The following SLC2A13 variants were observed in gnomAD, a reference collection of about 807,000 sequenced individuals.
The protein encoded by SLC2A13 is solute carrier family 2 member 13, also known as proton myo-inositol cotransporter.
In SLC2A13, 32 loss-of-function variants were observed where a neutral mutation model predicts 64.4. That is an observed-to-expected ratio of 0.50 (90% CI 0.37 to 0.67). The LOEUF (loss-of-function observed/expected upper bound fraction) is 0.67, where lower values mean the gene tolerates loss of function less well. SLC2A13 is among the 30% of genes least tolerant of loss of function. The pLI is 0.00. For missense variants in SLC2A13, 743 were observed against 829.2 expected (o/e 0.90, Z 1.28); for synonymous variants, 338 against 327.1 (o/e 1.03, Z -0.36).
intron 4 of SLC2A13, among the ~76,000 whole-genome samples, chr12:39,900,175 T>C (rs1329960898): frequency 6.6e-6 from 1 of 152,140 alleles, no homozygotes; most frequent in Non-Finnish European, 1.5e-5. Flanking sequence ...AAATTAGGTA[T>C]TGATGGGACG....
intron 3 of SLC2A13, among the ~76,000 whole-genome samples, chr12:40,013,669 T>G (rs2136197449): frequency 6.6e-6 from 1 of 152,360 alleles, no homozygotes; most frequent in Middle Eastern, 3.4e-3. Context: ...ATATATATTT[T>G]GTATAATGAA....
At chr12:39,953,393 T>G (rs1380827567) in intron 3 of SLC2A13, among the ~76,000 whole-genome samples, 3 of 152,178 alleles carry the variant, frequency 2.0e-5, no homozygotes, top group Non-Finnish European at 4.4e-5. Context: ...CATCTGATTA[T>G]GCATAAACAA....
intron 1 of SLC2A13, among the ~76,000 whole-genome samples, chr12:40,092,497 A>G (rs1004784648): frequency 2.0e-5 from 3 of 152,142 alleles, no homozygotes; most frequent in Non-Finnish European, 4.4e-5. Flanking sequence ...CATATGTAAT[A>G]CCATCTTTAG....
chr12:39,897,921 T>C (rs888739074), intron 4 of SLC2A13, among the ~76,000 whole-genome samples: 9 of 152,124 alleles, frequency 5.9e-5, no homozygotes, highest in African/African-American at 2.2e-4. Context: ...CTATGAAATA[T>C]AAGAATTTTG....
intron 6 of SLC2A13, among the ~76,000 whole-genome samples, chr12:39,860,596 A>G (rs975779596): frequency 5.3e-5 from 8 of 152,206 alleles, no homozygotes; most frequent in African/African-American, 1.7e-4. Context: ...AATTGCACGC[A>G]TGGTCTTACA....
intron 4 of SLC2A13, among the ~76,000 whole-genome samples, chr12:39,937,137 A>G (rs1945931117): frequency 6.6e-6 from 1 of 152,210 alleles, no homozygotes; most frequent in African/African-American, 2.4e-5. Flanking sequence ...GTGAACTCAT[A>G]GAGAAGAATA....
chr12:39,882,115 C>A (rs1944352619), intron 4 of SLC2A13, among the ~76,000 whole-genome samples: 1 of 152,086 alleles, frequency 6.6e-6, no homozygotes, highest in Admixed American at 6.6e-5. Flanking sequence ...TTTTTATTAT[C>A]CATCATCACT....
intron 6 of SLC2A13, among the ~76,000 whole-genome samples, chr12:39,863,865 A>C (rs1041074124): frequency 6.6e-6 from 1 of 152,194 alleles, no homozygotes. Flanking sequence ...ATGAATACCA[A>C]GTGGAGTTTA....
intron 1 of SLC2A13, among the ~76,000 whole-genome samples, chr12:40,075,806 T>C (rs1938149017): frequency 6.6e-6 from 1 of 152,202 alleles, no homozygotes; most frequent in South Asian, 2.1e-4. Flanking sequence ...CCTCTTATTT[T>C]AGGTAATTTC....
intron 3 of SLC2A13, among the ~76,000 whole-genome samples, chr12:39,999,158 A>G (rs1947282967): frequency 1.3e-5 from 2 of 152,202 alleles, no homozygotes; most frequent in African/African-American, 4.8e-5. Context: ...CAGGGCCACT[A>G]TGATAATTGT....
intron 7 of SLC2A13, among the ~76,000 whole-genome samples, chr12:39,782,659 G>A (rs997909308): frequency 6.6e-6 from 1 of 152,134 alleles, no homozygotes; most frequent in Non-Finnish European, 1.5e-5. Context: ...CTTGACATTG[G>A]AACTGGGTAA....
chr12:40,011,745 C>T (rs1182106349), intron 3 of SLC2A13, among the ~76,000 whole-genome samples: 1 of 152,106 alleles, frequency 6.6e-6, no homozygotes. Context: ...TTTTGGTTGC[C>T]TTCTCTGAAA....
At position 40,105,931 on chromosome 12, in the gene SLC2A13, C is replaced by A; in HGVS notation, c.-123G>T. On this transcript the variant is annotated 5_prime_UTR_variant, in exon 1 of 10. Transcript: ENST00000280871. The surrounding 1 kb of genome is among the most constrained non-coding windows in gnomAD (Gnocchi z 4.2). The stretch of plus-strand genomic sequence containing the variant: ...CCGCCGCTTTCTTCCTCCCGGCTTC[C>A]GCTCCGGCTGCCACGGCAGCAGCCG... 8.4e-7 allele frequency: 1 copy of A among 1,191,352 alleles called. No individual in the cohort carries two copies. The highest frequency in any genetic ancestry group is 1.1e-6 in the Non-Finnish European group (1 of 937,394). 73.8% of individuals were successfully genotyped at this position (1,191,352 alleles called of 1,614,324 possible). A position where few individuals can be genotyped will look rare whatever the true frequency, so the allele number is the denominator to read the frequency against.
chr12:39,967,243 T>C (rs186139762), intron 3 of SLC2A13, among the ~76,000 whole-genome samples: 17 of 152,370 alleles, frequency 1.1e-4, no homozygotes, highest in South Asian at 2.1e-4. Context: ...AAATCTGTTA[T>C]GCATATATAA....
intron 4 of SLC2A13, among the ~76,000 whole-genome samples, chr12:39,918,790 A>G (rs1423329417): frequency 6.6e-6 from 1 of 150,646 alleles, no homozygotes; most frequent in Non-Finnish European, 1.5e-5. Flanking sequence ...GCTACTTGGG[A>G]GGCTGAGGCA....
At chr12:39,801,299 T>C (rs1941782252) in intron 7 of SLC2A13, among the ~76,000 whole-genome samples, 2 of 145,652 alleles carry the variant, frequency 1.4e-5, no homozygotes, top group African/African-American at 5.0e-5. Flanking sequence ...ATAATAGTGT[T>C]TCACTTGATA....
Position 40,002,300 on chromosome 12 carries a change from T to C in SLC2A13, c.925+26001A>G, listed in dbSNP as rs111721417. ...TACAAATGAAGAGACAATAGTGAAG[T>C]TAAGTAATGTATCCAACAACAACAT... On this transcript the variant is annotated intron_variant, in intron 3 of 9. Coordinates refer to ENST00000280871, the MANE Select transcript of SLC2A13 (RefSeq NM_052885.4). Among the ~76,000 whole-genome samples, 13 of 152,190 alleles carry C rather than the reference T, an allele frequency of 8.5e-5. 2 individuals are homozygous for C. The highest frequency in any genetic ancestry group is 2.9e-4 in the African/African-American group (12 of 41,456).
chr12:40,082,941 CCTT>C (rs1459712139), intron 1 of SLC2A13, among the ~76,000 whole-genome samples: 1 of 152,104 alleles, frequency 6.6e-6, no homozygotes, highest in African/African-American at 2.4e-5. Context: ...GGGTCTGTAT[CCTT>C]CTTCTGTCTA....
chr12:39,838,054 T>C (rs9668722), intron 6 of SLC2A13, among the ~76,000 whole-genome samples: 103,213 of 146,972 alleles, frequency 0.7, 37,153 homozygotes, highest in African/African-American at 0.85. Context: ...ATATTTATTG[T>C]GGCATTATTC....
Sources: allele counts gnomAD v4.1 joint callset (sites outside exome capture counted in the v4.1 genomes callset), GRCh38; gene constraint gnomAD v4.1.1; non-coding constraint Gnocchi (gnomAD v3.1); transcripts MANE v1.5; gene names NCBI Gene and HGNC (gene_info 2026-07-23, HGNC 2026-07-21).